The following COG6 variants were observed in gnomAD, a reference collection of about 807,000 sequenced individuals.
COG6 encodes the protein conserved oligomeric Golgi complex subunit 6.
Under a neutral mutation model 88.8 loss-of-function variants are expected in COG6, and 74 were observed. The ratio of observed to expected loss-of-function variants is 0.83; its 90% CI spans 0.69 to 1.01. The LOEUF is 1.01. Ranked by LOEUF, COG6 falls within the 50% of genes least tolerant of loss-of-function variation. COG6 has a pLI of 0.00. For synonymous variants in COG6, 286 were observed against 278.7 expected (o/e 1.03, Z -0.26); for missense variants, 800 against 797.9 (o/e 1.00, Z -0.03).
chr13:39,712,838 C>G (rs1208528537), intron 13 of COG6, among the ~76,000 whole-genome samples: 1 of 152,216 alleles, frequency 6.6e-6, no homozygotes, highest in Admixed American at 6.5e-5. Context: ...CGAGCAAGTA[C>G]TTGCATGCCT....
chr13:39,766,844 G>A (rs140968327), intron 18 of COG6, among the ~76,000 whole-genome samples: 85 of 152,180 alleles, frequency 5.6e-4, no homozygotes, highest in African/African-American at 1.6e-3. Flanking sequence ...ACTTTTTTGC[G>A]CTTCTGAACT....
chr13:39,681,449 T>G (rs1310036411), intron 7 of COG6, among the ~76,000 whole-genome samples: 1 of 152,210 alleles, frequency 6.6e-6, no homozygotes. Context: ...CCGCAACATC[T>G]TACATAGTGG....
chr13:39,762,292 T>G (rs1032471660), intron 18 of COG6, among the ~76,000 whole-genome samples: 2 of 151,888 alleles, frequency 1.3e-5, no homozygotes, highest in Non-Finnish European at 3.0e-5. Flanking sequence ...ATGTTCTCAC[T>G]CAGGTGAAAG....
intron 7 of COG6, among the ~76,000 whole-genome samples, chr13:39,681,160 C>T (rs1015232453): frequency 2.0e-5 from 3 of 152,170 alleles, no homozygotes; most frequent in African/African-American, 2.4e-5. Context: ...TAGGTGTTAC[C>T]AACTGACTGT....
chr13:39,776,630 A>C (rs1881471609), intron 18 of COG6, among the ~76,000 whole-genome samples: 1 of 152,248 alleles, frequency 6.6e-6, no homozygotes, highest in Non-Finnish European at 1.5e-5. Context: ...TTTATGAATG[A>C]ATCAGAGAAA....
chr13:39,665,781 G>A (rs1875218527), intron 4 of COG6, among the ~76,000 whole-genome samples: 1 of 152,088 alleles, frequency 6.6e-6, no homozygotes, highest in Admixed American at 6.6e-5. Context: ...TCAGTAGTTG[G>A]GTACATCACT....
intron 3 of COG6, among the ~76,000 whole-genome samples, chr13:39,662,781 C>T (rs1186428297): frequency 6.6e-6 from 1 of 151,836 alleles, no homozygotes; most frequent in Non-Finnish European, 1.5e-5. Flanking sequence ...TTGTTTATTC[C>T]TTAAAATTTT....
intron 12 of COG6, among the ~76,000 whole-genome samples, chr13:39,698,586 A>G (rs1877402473): frequency 6.6e-6 from 1 of 151,946 alleles, no homozygotes; most frequent in Non-Finnish European, 1.5e-5. Flanking sequence ...ATTTGCTTTT[A>G]TAATACATGT....
chr13:39,738,669 A>G (rs1356293820), intron 18 of COG6, among the ~76,000 whole-genome samples: 7 of 152,168 alleles, frequency 4.6e-5, no homozygotes, highest in African/African-American at 1.7e-4. Context: ...TCCATTTTAA[A>G]TATAAAGGTG....
At chr13:39,670,499 T>C (rs1875560929) in intron 4 of COG6, among the ~76,000 whole-genome samples, 1 of 152,084 alleles carries the variant, frequency 6.6e-6, no homozygotes, top group Admixed American at 6.5e-5. Context: ...TTTTTGATTT[T>C]GTACAGTTAT....
rs769965691 is a variant in COG6, at chr13:39,751,093, AT to A, written c.*2del. On this transcript the variant is annotated 3_prime_UTR_variant, in exon 19 of 19. Coordinates refer to ENST00000455146, the MANE Select transcript of COG6 (RefSeq NM_020751.3). ...AGCAAGTGCAGACGCTTCTTTCCTGATTATCTTATTTCATTGTGTTAGCAAA... is the reference window on the plus strand; with the variant it reads ...AGCAAGTGCAGACGCTTCTTTCCTGATATCTTATTTCATTGTGTTAGCAAA... 5 of 1,613,342 alleles carry A rather than the reference AT, an allele frequency of 3.1e-6. No individual in the cohort carries two copies. The African/African-American group carries it at 6.7e-5, about 22-fold the overall frequency.
chr13:39,730,182 A>G (rs899781383), intron 18 of COG6, among the ~76,000 whole-genome samples: 1 of 152,116 alleles, frequency 6.6e-6, no homozygotes, highest in Non-Finnish European at 1.5e-5. Flanking sequence ...ATATGTGCCT[A>G]ACATCCTATT....
At chr13:39,754,835 A>C (rs528921876), downstream of COG6, among the ~76,000 whole-genome samples, 11 of 152,350 alleles carry the variant, frequency 7.2e-5, no homozygotes, top group African/African-American at 2.4e-4. Flanking sequence ...AATTTGGTAG[A>C]GTGCTTGTGC....
In COG6 at chr13:39,752,368, A is replaced by G. The variant is rs1327722910; in HGVS notation, c.*1275A>G. The G allele has an allele frequency of 2.2e-6, 2 of 923,758 alleles. No individual in the cohort carries two copies. Among genetic ancestry groups the G allele is most frequent in the Non-Finnish European group, 2.9e-6 (2 of 680,406 alleles). The allele number at this position is 923,758 out of a possible 1,614,324, so 57.2% of individuals were successfully genotyped here. ...AAGTTTATAATTGTTTATACCTAATACAGTTCTTTTTGGAGTAAGAATGAT... is the reference window on the plus strand; with the variant it reads ...AAGTTTATAATTGTTTATACCTAATGCAGTTCTTTTTGGAGTAAGAATGAT... On this transcript the variant is annotated 3_prime_UTR_variant, in exon 19 of 19. Coordinates refer to ENST00000455146, the MANE Select transcript of COG6 (RefSeq NM_020751.3).
chr13:39,721,914 A>G (rs1029677492), intron 15 of COG6, among the ~76,000 whole-genome samples: 5 of 152,024 alleles, frequency 3.3e-5, no homozygotes, highest in African/African-American at 1.2e-4. Flanking sequence ...TATTTTTGGT[A>G]TGTCTCTTTT....
chr13:39,719,395 T>A, intron 14 of COG6, 28 bp downstream of exon 14: 1 of 1,604,620 alleles, frequency 6.2e-7, no homozygotes, highest in South Asian at 1.1e-5. Context: ...TTTTAATGAT[T>A]GTTTTTTGCT....
At chr13:39,757,873 T>C (rs955432559) in intron 18 of COG6, among the ~76,000 whole-genome samples, 1 of 152,156 alleles carries the variant, frequency 6.6e-6, no homozygotes, top group Admixed American at 6.5e-5. Flanking sequence ...TTCAAACCCG[T>C]ATTGCTCAAG....
Position 39,694,953 on chromosome 13 carries a change from A to ATG in COG6, c.1166+228_1166+229insTG, listed in dbSNP as rs1555277408. ...TCCTTTTTTCTCCAAGCTTAACTAC[A>ATG]CGCACACACACACACACACACACAC... On this transcript the variant is annotated intron_variant, in intron 12 of 18. Coordinates refer to ENST00000455146, the MANE Select transcript of COG6 (RefSeq NM_020751.3). 1.0e-4 allele frequency among the ~76,000 whole-genome samples: 8 copies of ATG among 79,708 alleles called. No homozygotes were observed. In the South Asian group the frequency reaches 1.3e-3, roughly 13 times the overall value. 52.3% of individuals were successfully genotyped at this position (79,708 alleles called of 152,430 possible).
intron 13 of COG6, among the ~76,000 whole-genome samples, chr13:39,709,722 T>C (rs1436867985): frequency 6.6e-6 from 1 of 152,156 alleles, no homozygotes; most frequent in Non-Finnish European, 1.5e-5. Flanking sequence ...AACACATATA[T>C]GTGTGTGTCC....
Sources: gnomAD v4.1 joint callset for allele counts (sites outside exome capture counted in the v4.1 genomes callset) on GRCh38, gnomAD v4.1.1 for gene constraint, MANE v1.5 for transcripts, NCBI Gene and HGNC (gene_info 2026-07-23, HGNC 2026-07-21) for gene names.